The following PTPRH variants were observed in gnomAD, a reference collection of about 807,000 sequenced individuals.
PTPRH encodes the protein receptor-type tyrosine-protein phosphatase H.
A neutral mutation model predicts 130.2 loss-of-function variants in PTPRH; 113 were observed. The ratio of observed to expected loss-of-function variants is 0.87; its 90% CI spans 0.75 to 1.01. PTPRH has a LOEUF of 1.01. Among genes scored for constraint, PTPRH ranks in the 50% least tolerant of loss-of-function variants. The pLI, the probability that PTPRH is intolerant of heterozygous loss-of-function variation, is 0.00. For missense variants in PTPRH, 1,430 were observed against 1,425.0 expected (o/e 1.00, Z -0.06); for synonymous variants, 556 against 577.9 (o/e 0.96, Z 0.54).
At chr19:55,182,635 G>A (rs1047247308) in intron 18 of PTPRH, among the ~76,000 whole-genome samples, 2 of 150,212 alleles carry the variant, frequency 1.3e-5, no homozygotes, top group Non-Finnish European at 2.9e-5. Flanking sequence ...CTAAGAAGTC[G>A]GATGTACTAG....
Position 55,209,271 on chromosome 19 carries a change from G to T in PTPRH, c.51+112C>A. 1.1e-6 allele frequency: 1 copy of T among 918,846 alleles called. No individual in the cohort carries two copies. The highest frequency in any genetic ancestry group is 1.4e-5 in the South Asian group (1 of 70,910). 56.9% of individuals were successfully genotyped at this position (918,846 alleles called of 1,614,324 possible). ...AGCCTGAAGCCCTCTTCCTTCTCCA[G>T]GGGATCTTCAGCACCTACTTCCTCA... On this transcript the variant is annotated intron_variant, in intron 1 of 19. Coordinates refer to ENST00000376350, the MANE Select transcript of PTPRH (RefSeq NM_002842.5). This position sits in a 1 kb window ranked among gnomAD's most constrained non-coding sequence, Gnocchi z 4.1.
rs776254359 is a variant in PTPRH, at chr19:55,185,952, C to T, written c.2811G>A (p.Ser937=). The T allele has an allele frequency of 9.3e-6, 15 of 1,613,850 alleles. No homozygotes were observed. The highest frequency in any genetic ancestry group is 4.5e-5 in the East Asian group (2 of 44,892). The change falls in exon 17 of 20, where the codon TCG becomes TCA. Residue 937 remains serine (S), a synonymous_variant. Transcript: ENST00000376350. ...GCAGGTGCCCATGGGTGCAGGGCTG[C>T]GAGTCCAGAGGCCAGTAATGCTCAC... is the stretch of plus-strand genomic sequence containing the variant. ...VKCEHYWPLD[S]QPCTHGHLRV...
At chr19:55,206,008 G>A (rs575872661) in intron 3 of PTPRH, among the ~76,000 whole-genome samples, 39 of 152,176 alleles carry the variant, frequency 2.6e-4, no homozygotes, top group African/African-American at 5.5e-4. Flanking sequence ...CGAGGCAGGC[G>A]GATCACCTGA....
In PTPRH at chr19:55,181,674, C is replaced by A; in HGVS notation, c.*80G>T. 6.3e-7 allele frequency: 1 copy of A among 1,577,770 alleles called. No homozygotes were observed. The highest frequency in any genetic ancestry group is 8.6e-7 in the Non-Finnish European group (1 of 1,156,086). ...CCCAGGAGTCTGGGAGCCCAGCCCT[C>A]TGCTCTTCCAGGAATCTGGGCTCAA... is the stretch of plus-strand genomic sequence containing the variant. On this transcript the variant is annotated 3_prime_UTR_variant, in exon 20 of 20. Transcript: ENST00000376350.
In PTPRH at chr19:55,207,320, G is replaced by GGGCC; in HGVS notation, c.52-125_52-122dup. The GGGCC allele has an allele frequency of 2.7e-6, 3 of 1,123,624 alleles. No individual in the cohort carries two copies. The South Asian group carries it at 4.5e-5, about 17-fold the overall frequency. The allele number at this position is 1,123,624 out of a possible 1,614,324, so 69.6% of individuals were successfully genotyped here. A position where few individuals can be genotyped will look rare whatever the true frequency, so the allele number is the denominator to read the frequency against. On this transcript the variant is annotated intron_variant, in intron 1 of 19. Coordinates refer to ENST00000376350, the MANE Select transcript of PTPRH (RefSeq NM_002842.5). Reference sequence around the variant, plus strand: ...TGAGTCACCCTTGCATGGGAAGGAGGGGCCGGTGTTAGGCTGGGCTGTCAC... The same window carrying GGGCC: ...TGAGTCACCCTTGCATGGGAAGGAGGGGCCGGCCGGTGTTAGGCTGGGCTGTCAC...
At position 55,203,923 on chromosome 19, in the gene PTPRH, C is replaced by G. The variant is rs1568924951; in HGVS notation, c.745G>C (p.Gly249Arg). 6.2e-7 allele frequency: 1 copy of G among 1,614,162 alleles called. No homozygotes were observed. The highest frequency in any genetic ancestry group is 2.2e-5 in the East Asian group (1 of 44,886). ...STYCVQCTGD[G>R]GRTETRNTTD... is the part of the protein sequence containing the mutation. ...GTGTTTCGAGTCTCTGTTCTGCCACCATCTCCAGTGCACTGAACGCAGTAG... is the reference window on the plus strand; with the variant it reads ...GTGTTTCGAGTCTCTGTTCTGCCACGATCTCCAGTGCACTGAACGCAGTAG... Residue 249 changes from glycine to arginine, a missense_variant, in exon 5 of 20, where the codon GGT (glycine) becomes CGT (arginine). Gly to Arg is a moderately radical substitution (Grantham distance 125, BLOSUM62 -2). Coordinates refer to ENST00000376350, the MANE Select transcript of PTPRH (RefSeq NM_002842.5).
chr19:55,188,522 GAAATA>G (rs150749621), intron 12 of PTPRH, among the ~76,000 whole-genome samples: 4,313 of 152,004 alleles, frequency 0.028, 193 homozygotes, highest in African/African-American at 0.099. Flanking sequence ...CAAAAAATAA[GAAATA>G]AAATAAAATA....
At chr19:55,190,400 C>T (rs2086490887) in intron 12 of PTPRH, among the ~76,000 whole-genome samples, 1 of 146,926 alleles carries the variant, frequency 6.8e-6, no homozygotes, top group African/African-American at 2.5e-5. Context: ...TCACAATATT[C>T]CTCTACCCTT....
Position 55,203,787 on chromosome 19 carries a change from G to A in PTPRH, c.881C>T (p.Ala294Val). 6.2e-7 allele frequency: 1 copy of A among 1,601,452 alleles called. No individual in the cohort carries two copies. Among genetic ancestry groups the A allele is most frequent in the Non-Finnish European group, 8.6e-7 (1 of 1,169,320 alleles). ...VNSSVEIVTS[A>V]TAPNPVRNLT... ...AAACAGCGGCTGCCTCTTACCTGTG[G>A]CACTAGTGACAATCTCCACAGAGCT... Residue 294 changes from alanine (A) to valine (V), a missense_variant, in exon 5 of 20, where the codon GCC becomes GTC. Physicochemically the swap from Ala to Val is moderately conservative, Grantham distance 64. Transcript: ENST00000376350.
chr19:55,182,243 A>G lies in PTPRH; in HGVS notation c.3063-92T>C, dbSNP rs1331857800. On this transcript the variant is annotated intron_variant, in intron 18 of 19. Coordinates refer to ENST00000376350, the MANE Select transcript of PTPRH (RefSeq NM_002842.5). The stretch of plus-strand genomic sequence containing the variant: ...TGGAGGGATCTGTGTTTGAATGATG[A>G]CAATAACTATGCCTGCTCACACCTG... The G allele has an allele frequency of 7.0e-6, 10 of 1,421,254 alleles. No homozygotes were observed. In the African/African-American group the frequency reaches 1.4e-4, roughly 20 times the overall value. The allele number at this position is 1,421,254 out of a possible 1,614,324, so 88.0% of individuals were successfully genotyped here.
intron 12 of PTPRH, among the ~76,000 whole-genome samples, chr19:55,190,607 A>G (rs1347709464): frequency 7.4e-6 from 1 of 134,822 alleles, no homozygotes; most frequent in Non-Finnish European, 1.5e-5. Context: ...TATATTATAT[A>G]TTATATATAT....
Position 55,198,785 on chromosome 19 carries a change from G to A in PTPRH, c.1548C>T (p.Gly516=), listed in dbSNP as rs770707894. The A allele has an allele frequency of 6.2e-7, 1 of 1,613,768 alleles. No homozygotes were observed. Among genetic ancestry groups the A allele is most frequent in the Non-Finnish European group, 8.5e-7 (1 of 1,179,820 alleles). ...TGCTTTGGGTCCTGGGGTCAGTCAT[G>A]CCTTCCCTGACCCATGAGACCCAGT... ...YSYWVSWVRE[G]MTDPRTQSTS... The change falls in exon 8 of 20, where the codon GGC becomes GGT. Residue 516 remains glycine (G), a synonymous_variant. Transcript: ENST00000376350.
intron 10 of PTPRH, among the ~76,000 whole-genome samples, chr19:55,192,859 C>T (rs2086582558): frequency 6.6e-6 from 1 of 151,830 alleles, no homozygotes; most frequent in South Asian, 2.1e-4. Flanking sequence ...CTGTTATATG[C>T]AGATTTTCTA....
In PTPRH at chr19:55,197,397, A is replaced by T. The variant is rs756339907; in HGVS notation, c.1710T>A (p.Asp570Glu). The change falls in exon 9 of 20, where the codon GAT becomes GAA. Residue 570 changes from aspartate to glutamate, a missense_variant. Asp to Glu is a conservative substitution (Grantham distance 45). Coordinates refer to ENST00000376350, the MANE Select transcript of PTPRH (RefSeq NM_002842.5). The stretch of plus-strand genomic sequence containing the variant: ...TCTTAGTCTGAGTTTCATTCTGGAG[A>T]TCTGTGACCTCATTGGGAGCTGAGA... ...TAATAPNEVT[D>E]LQNETQTKNS... The T allele has an allele frequency of 3.8e-5, 62 of 1,612,370 alleles. 1 individual carries two copies. The South Asian group carries it at 4.0e-4, about 10-fold the overall frequency.
At position 55,208,091 on chromosome 19, in the gene PTPRH, G is replaced by A. The variant is rs2087127135; in HGVS notation, c.52-892C>T. ...CTGAGTCTGAGGGAGGAGGGGCTGG[G>A]GTCTGGACTCCTGGGTCTGAGGGAG... On this transcript the variant is annotated intron_variant, in intron 1 of 19. Coordinates refer to ENST00000376350, the MANE Select transcript of PTPRH (RefSeq NM_002842.5). 4.3e-5 allele frequency among the ~76,000 whole-genome samples: 4 copies of A among 93,280 alleles called. No individual in the cohort carries two copies. In the South Asian group the frequency reaches 1.6e-3, roughly 38 times the overall value. 61.2% of individuals were successfully genotyped at this position (93,280 alleles called of 152,430 possible).
At chr19:55,204,146 GTC>G (rs1288693063) in intron 4 of PTPRH, 98 bp from the exon 5 acceptor site, 22 of 1,307,698 alleles carry the variant, frequency 1.7e-5, no homozygotes, top group Non-Finnish European at 2.3e-5. Flanking sequence ...TCGAGACAGA[GTC>G]TCTGTCTGTC....
intron 8 of PTPRH, among the ~76,000 whole-genome samples, chr19:55,198,432 A>C (rs1450113765): frequency 1.3e-5 from 2 of 152,042 alleles, no homozygotes; most frequent in African/African-American, 4.8e-5. Context: ...CCATTTCCCA[A>C]AGGGAGAAAA....
At chr19:55,193,121 C>G (rs2147461725) in intron 10 of PTPRH, among the ~76,000 whole-genome samples, 1 of 151,634 alleles carries the variant, frequency 6.6e-6, no homozygotes, top group Admixed American at 6.6e-5. Flanking sequence ...CCCAACTACT[C>G]AGGAGGCTGA....
rs1006130272 is a variant in PTPRH at position 55,190,534 on chromosome 19, AAT to A, written c.2384+965_2384+966del. On this transcript the variant is annotated intron_variant, in intron 12 of 19. Coordinates refer to ENST00000376350, the MANE Select transcript of PTPRH (RefSeq NM_002842.5). The stretch of plus-strand genomic sequence containing the variant: ...ATATAATGTATATTTTATATTGTAT[AAT>A]ATATATAATATATAATATATTATAT... Among the ~76,000 whole-genome samples, 82 of 137,658 alleles carry A rather than the reference AAT, an allele frequency of 6.0e-4. 1 individual carries two copies. Among genetic ancestry groups the A allele is most frequent in the Admixed American group, 2.1e-3 (26 of 12,478 alleles). 90.3% of individuals were successfully genotyped at this position (137,658 alleles called of 152,430 possible).
Sources: allele counts gnomAD v4.1 joint callset (sites outside exome capture counted in the v4.1 genomes callset), GRCh38; gene constraint gnomAD v4.1.1; non-coding constraint Gnocchi (gnomAD v3.1); transcripts MANE v1.5; gene names NCBI Gene and HGNC (gene_info 2026-07-23, HGNC 2026-07-21).